Variants in ABCC5 observed in about 807,000 individuals in gnomAD.
ABCC5 encodes ATP binding cassette subfamily C member 5, also known as ATP-binding cassette sub-family C member 5.
ABCC5 carries 61 observed loss-of-function variants against 160.9 expected under a neutral mutation model. The observed-to-expected ratio is 0.38, with a 90% CI of 0.31 to 0.47. The LOEUF (loss-of-function observed/expected upper bound fraction) is 0.47. Ranked by LOEUF, ABCC5 falls within the 20% of genes least tolerant of loss-of-function variation. ABCC5 has a pLI of 0.99. For synonymous variants in ABCC5, 666 were observed against 700.6 expected, an observed-to-expected ratio of 0.95 and a Z score of 0.78; for missense variants, 1,308 against 1,813.3, an observed-to-expected ratio of 0.72 and a Z score of 5.06.
At chr3:183,923,771 A>AC (rs1475011952) in intron 29 of ABCC5, among the ~76,000 whole-genome samples, 2 of 152,192 alleles carry the variant, frequency 1.3e-5, no homozygotes, top group Non-Finnish European at 2.9e-5. Flanking sequence ...TTTAAGGCAA[A>AC]CAAAGATAGT....
chr3:183,958,432 G>C (rs565786075), intron 17 of ABCC5, among the ~76,000 whole-genome samples: 9 of 152,180 alleles, frequency 5.9e-5, no homozygotes, highest in Non-Finnish European at 1.3e-4. Context: ...GTTTGCTAAT[G>C]ATATTCTGAT....
At chr3:183,961,398 C>T (rs1256364899) in intron 16 of ABCC5, 113 bp downstream of exon 16, 2 of 1,349,874 alleles carry the variant, frequency 1.5e-6, no homozygotes, top group African/African-American at 2.9e-5. Flanking sequence ...AACAGGGCCC[C>T]TGCCAATAAG....
intron 16 of ABCC5, 110 bp downstream of exon 16, chr3:183,961,401 C>A: frequency 1.5e-6 from 2 of 1,364,742 alleles, no homozygotes; most frequent in Non-Finnish European, 9.9e-7. Flanking sequence ...AGGGCCCCTG[C>A]CAATAAGACA....
chr3:183,960,555 T>C (rs1349054620), intron 16 of ABCC5, among the ~76,000 whole-genome samples: 1 of 152,166 alleles, frequency 6.6e-6, no homozygotes, highest in Non-Finnish European at 1.5e-5. Flanking sequence ...TGATGTGGTC[T>C]TGTAAGCCAC....
In ABCC5 at chr3:184,017,363, T is replaced by C. The variant is rs1332194855; in HGVS notation, c.-56+467A>G. 2 of 152,202 alleles carry C rather than the reference T, an allele frequency of 1.3e-5. No individual in the cohort carries two copies. Among genetic ancestry groups the C allele is most frequent in the African/African-American group, 4.8e-5 (2 of 41,450 alleles). 9.4% of individuals were successfully genotyped at this position (152,202 alleles called of 1,614,324 possible). On this transcript the variant is annotated intron_variant, in intron 1 of 29. Transcript: ENST00000334444. This position sits in a 1 kb window ranked among gnomAD's most constrained non-coding sequence, Gnocchi z 4.5. ...GGGGATGACTTACTTCGAAGGTCGC[T>C]GGCGGCTCCGCTGCGGGTTGAGCAG...
chr3:184,008,653 T>C (rs1354032906), intron 2 of ABCC5, among the ~76,000 whole-genome samples: 1 of 152,240 alleles, frequency 6.6e-6, no homozygotes, highest in Non-Finnish European at 1.5e-5. Flanking sequence ...TTATAAATAT[T>C]TGAAGATGTG....
intron 11 of ABCC5, among the ~76,000 whole-genome samples, chr3:183,969,488 T>C (rs1717536048): frequency 3.3e-5 from 5 of 152,208 alleles, no homozygotes; most frequent in Admixed American, 2.6e-4. Context: ...GGTGAGGAGT[T>C]CGAGACCAGC....
intron 29 of ABCC5, among the ~76,000 whole-genome samples, chr3:183,923,648 G>C (rs562531475): frequency 1.3e-5 from 2 of 152,076 alleles, no homozygotes; most frequent in Non-Finnish European, 2.9e-5. Context: ...GAATTTCCCA[G>C]AAGATGTTCT....
At chr3:183,946,841 A>C in intron 23 of ABCC5, among the ~76,000 whole-genome samples, 1 of 152,202 alleles carries the variant, frequency 6.6e-6, no homozygotes, top group South Asian at 2.1e-4. Flanking sequence ...GTTCTCAACT[A>C]TTCTCTGAGC....
chr3:183,978,641 C>T lies in ABCC5; in HGVS notation c.1158G>A (p.Glu386=), dbSNP rs1718431551. 1 of 1,612,882 alleles carries T rather than the reference C, an allele frequency of 6.2e-7. No homozygotes were observed. Among genetic ancestry groups the T allele is most frequent in the South Asian group, 1.1e-5 (1 of 90,850 alleles). The change falls in exon 9 of 30, where the codon GAG becomes GAA. Residue 386 remains glutamate (E), a synonymous_variant. Transcript: ENST00000334444. ...CTTTTTCCAATATCCGACGCTCCTC[C>T]TCGCGGATTTCTATGAATAAAAAGC... ...AFSQSVQKIR[E]EERRILEKAG...
At chr3:183,950,635 C>A (rs1362933051) in intron 20 of ABCC5, among the ~76,000 whole-genome samples, 1 of 152,192 alleles carries the variant, frequency 6.6e-6, no homozygotes. Context: ...ATGCAAATCC[C>A]AGACATGTTG....
chr3:183,928,775 G>A lies in ABCC5; in HGVS notation c.3905C>T (p.Ala1302Val). 6.2e-7 allele frequency: 1 copy of A among 1,614,024 alleles called. No homozygotes were observed. The highest frequency in any genetic ancestry group is 8.5e-7 in the Non-Finnish European group (1 of 1,179,956). Residue 1302 changes from alanine to valine, a missense_variant, in exon 27 of 30, where the codon GCC becomes GTC. Coordinates refer to ENST00000334444, the MANE Select transcript of ABCC5 (RefSeq NM_005688.4). ...NQYTEDQIWD[A>V]LERTHMKECI... ...TTCTTTCATGTGTGTCCTCTCCAGG[G>A]CATCCCAAATCTGGTCTTCAGTGTA... is the stretch of plus-strand genomic sequence containing the variant.
intron 29 of ABCC5, among the ~76,000 whole-genome samples, chr3:183,922,035 TAATA>T (rs146063907): frequency 0.11 from 15,632 of 145,976 alleles, 1,101 homozygotes; most frequent in African/African-American, 0.19. Context: ...TGCCTCAAAA[TAATA>T]AATAAATAAA....
At position 183,971,868 on chromosome 3, in the gene ABCC5, G is replaced by A; in HGVS notation, c.1456C>T (p.Pro486Ser). The A allele has an allele frequency of 6.2e-7, 1 of 1,614,138 alleles. No individual in the cohort carries two copies. Among genetic ancestry groups the A allele is most frequent in the Non-Finnish European group, 8.5e-7 (1 of 1,180,040 alleles). Residue 486 changes from proline (P) to serine (S), a missense_variant, in exon 11 of 30, where the codon CCT becomes TCT. Transcript: ENST00000334444. ...TTTTTCATCTCTATCTTGATGTGAG[G>A]ACTGGCTGGTTTGTTCTTTATCATG... is the stretch of plus-strand genomic sequence containing the variant. ...VHMIKNKPAS[P>S]HIKIEMKNAT...
At chr3:183,928,380 GGGATTA>G (rs1712816819) in intron 27 of ABCC5, among the ~76,000 whole-genome samples, 1 of 152,132 alleles carries the variant, frequency 6.6e-6, no homozygotes, top group South Asian at 2.1e-4. Context: ...CCAAAGTGCT[GGGATTA>G]CAGGCGAGAG....
intron 18 of ABCC5, 67 bp downstream of exon 18, chr3:183,953,019 G>A: frequency 6.9e-7 from 1 of 1,457,040 alleles, no homozygotes; most frequent in Non-Finnish European, 9.3e-7. Flanking sequence ...CCTAAGAATA[G>A]CCAGGGAATA....
At chr3:184,014,600 T>C (rs1230939198) in intron 1 of ABCC5, among the ~76,000 whole-genome samples, 153 bp from the exon 2 acceptor site, 9 of 150,408 alleles carry the variant, frequency 6.0e-5, no homozygotes, top group African/African-American at 2.2e-4. Flanking sequence ...CAAAAAAAGT[T>C]CAAAGATTTT....
At chr3:183,985,273 A>G (rs1221705751) in intron 5 of ABCC5, 1 of 1,577,142 alleles carries the variant, frequency 6.3e-7, no homozygotes. Flanking sequence ...TGGCTGTGGA[A>G]AGCATTCCCA....
At chr3:183,927,217 G>T in intron 28 of ABCC5, 113 bp downstream of exon 28, 1 of 1,045,668 alleles carries the variant, frequency 9.6e-7, no homozygotes, top group Non-Finnish European at 1.4e-6. Flanking sequence ...CATGCTCTTA[G>T]AAAGTGCCAA....
Sources: gnomAD v4.1 joint callset for allele counts (sites outside exome capture counted in the v4.1 genomes callset) on GRCh38, gnomAD v4.1.1 for gene constraint, Gnocchi (gnomAD v3.1) non-coding constraint, MANE v1.5 for transcripts, NCBI Gene and HGNC (gene_info 2026-07-23, HGNC 2026-07-21) for gene names.